Variants in LRFN5 observed in about 807,000 individuals in gnomAD.
LRFN5 encodes the protein leucine rich repeat and fibronectin type III domain containing 5, also known as leucine-rich repeat and fibronectin type-III domain-containing protein 5.
Under a neutral mutation model 45.6 loss-of-function variants are expected in LRFN5, and 24 were observed. The observed-to-expected ratio is 0.53, with a 90% CI of 0.38 to 0.74. LRFN5 has a LOEUF of 0.74. Among genes scored for constraint, LRFN5 ranks in the 30% least tolerant of loss-of-function variants. LRFN5 has a pLI of 0.00. For synonymous variants in LRFN5, 340 were observed against 313.8 expected, an observed-to-expected ratio of 1.08 and a Z score of -0.88; for missense variants, 776 against 861.5, an observed-to-expected ratio of 0.90 and a Z score of 1.24.
intron 2 of LRFN5, among the ~76,000 whole-genome samples, chr14:41,781,596 GA>G (rs774763301): frequency 8.2e-5 from 7 of 85,746 alleles, no homozygotes; most frequent in African/African-American, 2.8e-4. Flanking sequence ...AAGAAAGAAA[GA>G]AAGAAAGAAA....
At chr14:41,640,875 T>G (rs1879543494) in intron 1 of LRFN5, among the ~76,000 whole-genome samples, 1 of 152,096 alleles carries the variant, frequency 6.6e-6, no homozygotes, top group South Asian at 2.1e-4. Flanking sequence ...AATGACCTAT[T>G]TTTATCTTTG....
Position 41,606,985 on chromosome 14 carries a change from C to G in LRFN5, c.-1774C>G, listed in dbSNP as rs544829104. On this transcript the variant is annotated 5_prime_UTR_variant, in exon 1 of 6. Coordinates refer to ENST00000298119, the MANE Select transcript of LRFN5 (RefSeq NM_152447.5). Reference sequence around the variant, plus strand: ...GGAAGCCCAGCTCCCGGGTCCGCCCCGGCCGCGGCCGCAGCCCCGGACCTC... The same window carrying G: ...GGAAGCCCAGCTCCCGGGTCCGCCCGGGCCGCGGCCGCAGCCCCGGACCTC... Among the ~76,000 whole-genome samples the G allele has an allele frequency of 1.2e-3, 177 of 152,128 alleles. No homozygotes were observed. Among genetic ancestry groups the G allele is most frequent in the African/African-American group, 3.8e-3 (158 of 41,550 alleles).
intron 1 of LRFN5, among the ~76,000 whole-genome samples, chr14:41,719,743 G>GTA (rs1308877319): frequency 1.3e-5 from 2 of 150,794 alleles, no homozygotes; most frequent in African/African-American, 4.9e-5. Context: ...GTATGTGTGT[G>GTA]TGTATATATA....
intron 1 of LRFN5, among the ~76,000 whole-genome samples, chr14:41,687,151 T>TA (rs201573608): frequency 2.0e-4 from 30 of 151,788 alleles, no homozygotes; most frequent in Non-Finnish European, 3.5e-4. Context: ...ATATTTACAA[T>TA]AAAAAAACAT....
At chr14:41,848,247 A>T (rs1296522858) in intron 2 of LRFN5, among the ~76,000 whole-genome samples, 1 of 152,108 alleles carries the variant, frequency 6.6e-6, no homozygotes, top group East Asian at 1.9e-4. Context: ...AAAAACAAAC[A>T]AACATTGAAA....
chr14:41,871,655 T>C (rs1187023290), intron 2 of LRFN5, among the ~76,000 whole-genome samples: 3 of 152,140 alleles, frequency 2.0e-5, no homozygotes, highest in Admixed American at 6.6e-5. Context: ...CACATACTTA[T>C]TGTTTGCAAA....
At position 41,730,729 on chromosome 14, in the gene LRFN5, TATACA is replaced by T. The variant is rs200761490; in HGVS notation, c.-196-36124_-196-36120del. Reference sequence around the variant, plus strand: ...TCTTTTCAGTCCTTTAATTTGCCATTATACATATGTCTAATAGAATATATATGTAT... The same window carrying T: ...TCTTTTCAGTCCTTTAATTTGCCATTTATGTCTAATAGAATATATATGTAT... On this transcript the variant is annotated intron_variant, in intron 1 of 5. Transcript: ENST00000298119. Among the ~76,000 whole-genome samples the T allele has an allele frequency of 9.5e-4, 144 of 152,040 alleles. No homozygotes were observed. In the East Asian group the frequency reaches 0.018, roughly 19 times the overall value.
At chr14:41,779,443 T>C (rs1239318719) in intron 2 of LRFN5, among the ~76,000 whole-genome samples, 1 of 151,910 alleles carries the variant, frequency 6.6e-6, no homozygotes, top group Non-Finnish European at 1.5e-5. Context: ...TCCATTCTTG[T>C]AATGTCTTTT....
Position 41,904,403 on chromosome 14 carries a change from T to C in LRFN5, c.*228T>C. The C allele has an allele frequency of 2.2e-6, 1 of 455,284 alleles. No individual in the cohort carries two copies. Among genetic ancestry groups the C allele is most frequent in the Non-Finnish European group, 3.8e-6 (1 of 259,804 alleles). 28.2% of individuals were successfully genotyped at this position (455,284 alleles called of 1,614,324 possible). On this transcript the variant is annotated 3_prime_UTR_variant, in exon 6 of 6. Coordinates refer to ENST00000298119, the MANE Select transcript of LRFN5 (RefSeq NM_152447.5). ...ATTTTTTTTTCTTCTGGCCTACAAG[T>C]ATTTTTTTTTTAAAAAAGAAAAAAA...
At chr14:41,662,675 G>A (rs1048316973) in intron 1 of LRFN5, among the ~76,000 whole-genome samples, 3 of 151,928 alleles carry the variant, frequency 2.0e-5, no homozygotes, top group African/African-American at 7.2e-5. Context: ...ATGGAGTAGA[G>A]GAGAGTGTAA....
At chr14:41,689,204 G>A (rs1178085248) in intron 1 of LRFN5, among the ~76,000 whole-genome samples, 1 of 152,070 alleles carries the variant, frequency 6.6e-6, no homozygotes, top group Non-Finnish European at 1.5e-5. Context: ...AGCTAGAAAA[G>A]AGAAGAGAAT....
chr14:41,624,449 G>A (rs1423285786), intron 1 of LRFN5, among the ~76,000 whole-genome samples: 3 of 152,016 alleles, frequency 2.0e-5, no homozygotes, highest in South Asian at 4.1e-4. Context: ...CATTAAACTA[G>A]AAGGTTAACA....
chr14:41,669,378 A>C (rs1881056730), intron 1 of LRFN5, among the ~76,000 whole-genome samples: 1 of 152,196 alleles, frequency 6.6e-6, no homozygotes, highest in Admixed American at 6.5e-5. Context: ...ATTTTCTAGA[A>C]GTCAAAAACA....
At chr14:41,764,494 T>TAA (rs1441068089) in intron 1 of LRFN5, among the ~76,000 whole-genome samples, 1 of 152,174 alleles carries the variant, frequency 6.6e-6, no homozygotes, top group Non-Finnish European at 1.5e-5. Flanking sequence ...TGGGAAATTA[T>TAA]AATTTAGGTA....
intron 1 of LRFN5, among the ~76,000 whole-genome samples, chr14:41,756,690 C>A (rs1257238387): frequency 1.3e-5 from 2 of 152,110 alleles, no homozygotes; most frequent in Non-Finnish European, 2.9e-5. Context: ...AACTTCTTTG[C>A]CATGGGTTCG....
chr14:41,824,094 G>T (rs1888215587), intron 2 of LRFN5, among the ~76,000 whole-genome samples: 1 of 151,612 alleles, frequency 6.6e-6, no homozygotes, highest in South Asian at 2.1e-4. Flanking sequence ...TCTTTGTGTT[G>T]GTTTTCAACT....
At chr14:41,821,475 A>G (rs1051813299) in intron 2 of LRFN5, among the ~76,000 whole-genome samples, 2 of 151,932 alleles carry the variant, frequency 1.3e-5, no homozygotes, top group African/African-American at 4.8e-5. Context: ...TCCTGCAATA[A>G]AACCTACTTG....
intron 1 of LRFN5, among the ~76,000 whole-genome samples, chr14:41,739,300 G>T (rs1884584878): frequency 6.6e-6 from 1 of 152,078 alleles, no homozygotes; most frequent in South Asian, 2.1e-4. Context: ...TGGGAAGATT[G>T]TTTGAGCTTG....
At chr14:41,880,176 C>T (rs1458559022) in intron 2 of LRFN5, among the ~76,000 whole-genome samples, 1 of 152,000 alleles carries the variant, frequency 6.6e-6, no homozygotes, top group Non-Finnish European at 1.5e-5. Flanking sequence ...ATCTGCCCGC[C>T]TTGGCCTCCC....
Sources: gnomAD v4.1 joint callset for allele counts (sites outside exome capture counted in the v4.1 genomes callset) on GRCh38, gnomAD v4.1.1 for gene constraint, MANE v1.5 for transcripts, NCBI Gene and HGNC (gene_info 2026-07-23, HGNC 2026-07-21) for gene names.